Variants in PREP observed in about 807,000 individuals in gnomAD.
PREP encodes the protein dJ355L5.1 (prolyl endopeptidase).
In PREP, 29 loss-of-function variants were observed where a neutral mutation model predicts 87.6. That is an observed-to-expected ratio of 0.33 (90% CI 0.25 to 0.45). PREP has a LOEUF of 0.45. PREP is among the 20% of genes least tolerant of loss of function. The pLI is 1.00. For missense variants in PREP, 695 were observed against 886.5 expected, an observed-to-expected ratio of 0.78 and a Z score of 2.74; for synonymous variants, 337 against 328.6, an observed-to-expected ratio of 1.03 and a Z score of -0.28.
rs1045599450 is a variant in PREP, at chr6:105,274,703, G to A, written c.*3441C>T. ...GAATCACGTGAACCCAAGAGGTGGA[G>A]GTTGCAGTAAGCTGAGATAGCGCCA... On this transcript the variant is annotated 3_prime_UTR_variant, in exon 15 of 15. Transcript: ENST00000652536. Among the ~76,000 whole-genome samples, 1 of 152,174 alleles carries A rather than the reference G, an allele frequency of 6.6e-6. No individual in the cohort carries two copies. Among genetic ancestry groups the A allele is most frequent in the South Asian group, 2.1e-4 (1 of 4,822 alleles).
chr6:105,306,225 T>C (rs1459038782), intron 10 of PREP, among the ~76,000 whole-genome samples: 2 of 152,120 alleles, frequency 1.3e-5, no homozygotes, highest in Non-Finnish European at 2.9e-5. Flanking sequence ...ACGAAAGATC[T>C]AGAAAAGAAC....
intron 2 of PREP, among the ~76,000 whole-genome samples, chr6:105,392,948 C>T (rs1773194791): frequency 6.6e-6 from 1 of 152,196 alleles, no homozygotes; most frequent in Non-Finnish European, 1.5e-5. Context: ...TGTGCATCTT[C>T]CATGCATACC....
chr6:105,326,584 C>A (rs1254731086), intron 9 of PREP, among the ~76,000 whole-genome samples: 1 of 152,172 alleles, frequency 6.6e-6, no homozygotes, highest in Non-Finnish European at 1.5e-5. Context: ...AGTACCTCTG[C>A]TCTTTACTGT....
At chr6:105,341,666 A>G (rs1171260531) in intron 7 of PREP, among the ~76,000 whole-genome samples, 1 of 152,250 alleles carries the variant, frequency 6.6e-6, no homozygotes, top group African/African-American at 2.4e-5. Flanking sequence ...TAGAAAAGAG[A>G]GAAGAATCAA....
intron 6 of PREP, among the ~76,000 whole-genome samples, chr6:105,363,201 T>C (rs1005228619): frequency 2.0e-5 from 3 of 152,202 alleles, no homozygotes; most frequent in Non-Finnish European, 2.9e-5. Flanking sequence ...GTTCTCAATA[T>C]AGGATTTAGG....
chr6:105,296,106 A>G (rs1055603117), intron 10 of PREP, among the ~76,000 whole-genome samples: 1 of 152,222 alleles, frequency 6.6e-6, no homozygotes, highest in Non-Finnish European at 1.5e-5. Context: ...GCCCAGTGAC[A>G]ATGTTTGCCT....
At chr6:105,384,569 C>T (rs774751408) in intron 2 of PREP, among the ~76,000 whole-genome samples, 1 of 152,214 alleles carries the variant, frequency 6.6e-6, no homozygotes, top group Non-Finnish European at 1.5e-5. Context: ...CTCCCTTCCA[C>T]GTTGTTTATA....
At position 105,274,729 on chromosome 6, in the gene PREP, T is replaced by C. The variant is rs1288365043; in HGVS notation, c.*3415A>G. Among the ~76,000 whole-genome samples, 2 of 152,188 alleles carry C rather than the reference T, an allele frequency of 1.3e-5. No individual in the cohort carries two copies. The highest frequency in any genetic ancestry group is 1.3e-4 in the Admixed American group (2 of 15,288). The stretch of plus-strand genomic sequence containing the variant: ...GTTGCAGTAAGCTGAGATAGCGCCA[T>C]TGCACTCCAGCCTGGGCCGTAACAG... On this transcript the variant is annotated 3_prime_UTR_variant, in exon 15 of 15. Coordinates refer to ENST00000652536, the MANE Select transcript of PREP (RefSeq NM_002726.5).
intron 7 of PREP, among the ~76,000 whole-genome samples, chr6:105,349,898 TAA>T (rs1162063177): frequency 9.9e-4 from 59 of 59,440 alleles, no homozygotes; most frequent in African/African-American, 1.5e-3. Flanking sequence ...GGGAAGCAGG[TAA>T]AAAAAAAAAA....
In PREP at chr6:105,277,969, A is replaced by G; in HGVS notation, c.*175T>C. 1.1e-6 allele frequency: 1 copy of G among 936,414 alleles called. No homozygotes were observed. Among genetic ancestry groups the G allele is most frequent in the Non-Finnish European group, 1.6e-6 (1 of 625,118 alleles). 58.0% of individuals were successfully genotyped at this position (936,414 alleles called of 1,614,324 possible). The stretch of plus-strand genomic sequence containing the variant: ...GAAAAAGAAACACCAAGGCCTTGCT[A>G]AAAAGGAGAAGCCTAAAAAAGATAA... On this transcript the variant is annotated 3_prime_UTR_variant, in exon 15 of 15. Coordinates refer to ENST00000652536, the MANE Select transcript of PREP (RefSeq NM_002726.5).
At chr6:105,335,587 A>C (rs1771456569) in intron 7 of PREP, among the ~76,000 whole-genome samples, 2 of 152,154 alleles carry the variant, frequency 1.3e-5, no homozygotes, top group Admixed American at 1.3e-4. Context: ...TAAACTAGGA[A>C]TAATAGGTAA....
At chr6:105,393,120 G>A (rs569979283) in intron 2 of PREP, among the ~76,000 whole-genome samples, 1 of 152,252 alleles carries the variant, frequency 6.6e-6, no homozygotes, top group Non-Finnish European at 1.5e-5. Context: ...ATACACAAAG[G>A]TGTATTAGCC....
At chr6:105,296,667 T>C (rs571403828) in intron 10 of PREP, among the ~76,000 whole-genome samples, 2 of 152,346 alleles carry the variant, frequency 1.3e-5, no homozygotes, top group Admixed American at 1.3e-4. Flanking sequence ...AATGACATTT[T>C]TGAATGGTTC....
At chr6:105,322,988 A>G in intron 10 of PREP, 1 of 1,301,508 alleles carries the variant, frequency 7.7e-7, no homozygotes, top group South Asian at 1.2e-5. Flanking sequence ...TCCAGGTGGG[A>G]GGGGCCTTGA....
At chr6:105,288,502 C>T (rs528496515) in intron 11 of PREP, among the ~76,000 whole-genome samples, 16 of 152,202 alleles carry the variant, frequency 1.1e-4, no homozygotes, top group Admixed American at 2.6e-4. Flanking sequence ...TACAGGCATC[C>T]GCCACCACGT....
chr6:105,343,557 C>A (rs1417472379), intron 7 of PREP, among the ~76,000 whole-genome samples: 1 of 152,156 alleles, frequency 6.6e-6, no homozygotes. Context: ...AGCTTCTGCA[C>A]AGCAAAACAA....
intron 9 of PREP, among the ~76,000 whole-genome samples, chr6:105,324,189 A>G (rs536797253): frequency 6.6e-6 from 1 of 152,310 alleles, no homozygotes; most frequent in South Asian, 2.1e-4. Flanking sequence ...GGTGACTGAC[A>G]AAAAACTCAA....
Position 105,284,489 on chromosome 6 carries a change from G to A in PREP, c.1549+997C>T, listed in dbSNP as rs78954568. ...GTTTGGGATGGCATGGGAAACAGAAGAGAGGTACAGATATCTTAAGGGTGG... is the reference window on the plus strand; with the variant it reads ...GTTTGGGATGGCATGGGAAACAGAAAAGAGGTACAGATATCTTAAGGGTGG... On this transcript the variant is annotated intron_variant, in intron 12 of 14. Transcript: ENST00000652536. Among the ~76,000 whole-genome samples, 23 of 152,322 alleles carry A rather than the reference G, an allele frequency of 1.5e-4. No individual in the cohort carries two copies. In the East Asian group the frequency reaches 4.1e-3, roughly 27 times the overall value.
chr6:105,317,089 T>C (rs986896444), intron 10 of PREP, among the ~76,000 whole-genome samples: 1 of 151,714 alleles, frequency 6.6e-6, no homozygotes, highest in Non-Finnish European at 1.5e-5. Context: ...AGTACTACAG[T>C]TGTATACCAC....
Sources: allele counts gnomAD v4.1 joint callset (sites outside exome capture counted in the v4.1 genomes callset), GRCh38; gene constraint gnomAD v4.1.1; transcripts MANE v1.5; gene names NCBI Gene and HGNC (gene_info 2026-07-23, HGNC 2026-07-21).